ARHGAP15: variants seen among roughly 807,000 people sequenced by gnomAD.
ARHGAP15 encodes the protein Rho GTPase activating protein 15, also known as rho GTPase-activating protein 15.
A neutral mutation model predicts 63.7 loss-of-function variants in ARHGAP15; 51 were observed. That is an observed-to-expected ratio of 0.80 (90% CI 0.64 to 1.01). The LOEUF is 1.01. Among genes scored for constraint, ARHGAP15 ranks in the 50% least tolerant of loss-of-function variants. The pLI is 0.00. For synonymous variants in ARHGAP15, 191 were observed against 193.8 expected (o/e 0.99, Z 0.12); for missense variants, 560 against 564.6 (o/e 0.99, Z 0.08).
chr2:143,253,619 C>T (rs1195285178), intron 6 of ARHGAP15, among the ~76,000 whole-genome samples: 1 of 151,838 alleles, frequency 6.6e-6, no homozygotes. Context: ...TATAACAGCA[C>T]ACTCTTTGGC....
Position 143,360,774 on chromosome 2 carries a change from C to G in ARHGAP15, c.475-74827C>G, listed in dbSNP as rs545150424. 9.1e-4 allele frequency among the ~76,000 whole-genome samples: 139 copies of G among 152,248 alleles called. 1 individual carries two copies. The highest frequency in any genetic ancestry group is 3.3e-3 in the African/African-American group (138 of 41,554). On this transcript the variant is annotated intron_variant, in intron 6 of 13. Transcript: ENST00000295095. ...AAGAGTTAAGTACTAATAAATAGCACAATACAGGTGATATCTCCAAGCAAC... is the reference window on the plus strand; with the variant it reads ...AAGAGTTAAGTACTAATAAATAGCAGAATACAGGTGATATCTCCAAGCAAC...
At position 143,531,127 on chromosome 2, in the gene ARHGAP15, C is replaced by CGTGTGTGTGCGT. The variant is rs58887426; in HGVS notation, c.925+11764_925+11765insTGTGTGTGCGTG. Among the ~76,000 whole-genome samples, 480 of 151,880 alleles carry CGTGTGTGTGCGT rather than the reference C, an allele frequency of 3.2e-3. 1 individual carries two copies. The highest frequency in any genetic ancestry group is 5.7e-3 in the Non-Finnish European group (388 of 67,888). On this transcript the variant is annotated intron_variant, in intron 10 of 13. Transcript: ENST00000295095. ...GATGCTGTGTGTGTATGTGTGTGCG[C>CGTGTGTGTGCGT]GCATGTGTGTGTTCTGTTCTGGAAG...
intron 9 of ARHGAP15, among the ~76,000 whole-genome samples, chr2:143,500,403 A>T (rs942241841): frequency 3.9e-5 from 6 of 152,102 alleles, no homozygotes; most frequent in Non-Finnish European, 8.8e-5. Flanking sequence ...AAAAAAATTG[A>T]ATCATTGTGC....
At chr2:143,136,993 C>T (rs1689170134) in intron 1 of ARHGAP15, among the ~76,000 whole-genome samples, 2 of 152,048 alleles carry the variant, frequency 1.3e-5, no homozygotes, top group African/African-American at 4.8e-5. Flanking sequence ...TCTATCTTCC[C>T]CACAATAGTC....
chr2:143,355,567 T>TA (rs1685773194), intron 6 of ARHGAP15, among the ~76,000 whole-genome samples: 1 of 152,190 alleles, frequency 6.6e-6, no homozygotes, highest in Admixed American at 6.5e-5. Context: ...ACAGTTAGCC[T>TA]AACAATTAAG....
chr2:143,241,526 G>A (rs1045043149), intron 5 of ARHGAP15, among the ~76,000 whole-genome samples: 30 of 152,176 alleles, frequency 2.0e-4, no homozygotes, highest in African/African-American at 6.3e-4. Context: ...GGTAAAGGGA[G>A]AATGTGGGAA....
At chr2:143,365,258 TCTC>T (rs1274943745) in intron 6 of ARHGAP15, among the ~76,000 whole-genome samples, 3 of 152,312 alleles carry the variant, frequency 2.0e-5, no homozygotes, top group African/African-American at 7.2e-5. Flanking sequence ...TGGCTTCTCT[TCTC>T]CAGTCCTAAG....
chr2:143,387,881 G>T (rs893478004), intron 6 of ARHGAP15, among the ~76,000 whole-genome samples: 4 of 149,872 alleles, frequency 2.7e-5, no homozygotes. Flanking sequence ...ATACACGCAT[G>T]CGTGCACATA....
At chr2:143,703,585 G>T in intron 13 of ARHGAP15, 61 bp downstream of exon 13, 2 of 1,323,462 alleles carry the variant, frequency 1.5e-6, no homozygotes. Flanking sequence ...GGGCAATATT[G>T]AATTTCACAT....
chr2:143,143,945 T>C, intron 1 of ARHGAP15, among the ~76,000 whole-genome samples: 1 of 152,016 alleles, frequency 6.6e-6, no homozygotes, highest in South Asian at 2.1e-4. Context: ...GGCCCCAATA[T>C]GTATTGTTCT....
chr2:143,639,267 C>G (rs887192955), intron 12 of ARHGAP15, among the ~76,000 whole-genome samples: 1 of 152,090 alleles, frequency 6.6e-6, no homozygotes, highest in Non-Finnish European at 1.5e-5. Context: ...TACACGTACT[C>G]AAAACCTCAT....
intron 2 of ARHGAP15, among the ~76,000 whole-genome samples, chr2:143,181,704 C>G (rs1691241699): frequency 6.6e-6 from 1 of 152,198 alleles, no homozygotes; most frequent in Non-Finnish European, 1.5e-5. Flanking sequence ...TAGGTGTTAG[C>G]TCTTAAGGGA....
At chr2:143,333,041 A>G (rs1387234713) in intron 6 of ARHGAP15, among the ~76,000 whole-genome samples, 2 of 152,110 alleles carry the variant, frequency 1.3e-5, no homozygotes, top group African/African-American at 4.8e-5. Context: ...CAGAAGATGA[A>G]TGCTTGTAGC....
At chr2:143,170,965 G>T (rs192503137) in intron 2 of ARHGAP15, among the ~76,000 whole-genome samples, 123 of 152,014 alleles carry the variant, frequency 8.1e-4, no homozygotes, top group Non-Finnish European at 1.4e-3. Flanking sequence ...TCAACCTAAG[G>T]TACTTTAAAA....
intron 5 of ARHGAP15, among the ~76,000 whole-genome samples, chr2:143,245,621 CTT>C (rs35918190): frequency 6.9e-6 from 1 of 144,592 alleles, no homozygotes; most frequent in Non-Finnish European, 1.5e-5. Context: ...TCTTCTTCTT[CTT>C]TTTTTTTTTT....
intron 13 of ARHGAP15, among the ~76,000 whole-genome samples, chr2:143,729,023 G>A (rs771243963): frequency 2.5e-4 from 38 of 152,250 alleles, no homozygotes; most frequent in Non-Finnish European, 4.4e-4. Context: ...AGTTTCCTCC[G>A]CGATGTACCA....
chr2:143,623,545 G>C (rs1346828732), intron 11 of ARHGAP15, among the ~76,000 whole-genome samples: 1 of 151,934 alleles, frequency 6.6e-6, no homozygotes, highest in African/African-American at 2.4e-5. Context: ...AAAAAAAAAA[G>C]ATTTTGAAGC....
chr2:143,630,567 T>A (rs1699025540), intron 12 of ARHGAP15, among the ~76,000 whole-genome samples: 1 of 152,112 alleles, frequency 6.6e-6, no homozygotes, highest in African/African-American at 2.4e-5. Flanking sequence ...ATATCTCTAC[T>A]TTTGATTTAT....
chr2:143,516,866 C>G (rs894520722), intron 9 of ARHGAP15, among the ~76,000 whole-genome samples: 1 of 152,186 alleles, frequency 6.6e-6, no homozygotes, highest in South Asian at 2.1e-4. Context: ...CTTCTCTATA[C>G]TATGTCCATG....
Sources: gnomAD v4.1 joint callset for allele counts (sites outside exome capture counted in the v4.1 genomes callset) on GRCh38, gnomAD v4.1.1 for gene constraint, MANE v1.5 for transcripts, NCBI Gene and HGNC (gene_info 2026-07-23, HGNC 2026-07-21) for gene names.